ZNF101: variants seen among roughly 807,000 people sequenced by gnomAD.
ZNF101 encodes the protein zinc finger protein 101 (Y2).
Under a neutral mutation model 42.6 loss-of-function variants are expected in ZNF101, and 34 were observed. That is an observed-to-expected ratio of 0.80 (90% confidence interval 0.61 to 1.06). ZNF101 has a LOEUF of 1.06. Among genes scored for constraint, ZNF101 ranks in the 50% least tolerant of loss-of-function variants. The probability of loss-of-function intolerance (pLI) is 0.00; values close to 1 mark genes in which losing one functional copy is unlikely to be tolerated. For synonymous variants in ZNF101, 158 were observed against 183.9 expected, an observed-to-expected ratio of 0.86 and a Z score of 1.14; for missense variants, 466 against 530.9, an observed-to-expected ratio of 0.88 and a Z score of 1.20.
chr19:19,669,128 C>T (rs2062153371), intron 1 of ZNF101, among the ~76,000 whole-genome samples, 162 bp downstream of exon 1: 1 of 152,154 alleles, frequency 6.6e-6, no homozygotes, highest in Non-Finnish European at 1.5e-5. Flanking sequence ...TGGAGCTGGA[C>T]CAGCCGCCGG....
At position 19,679,693 on chromosome 19, in the gene ZNF101, A is replaced by G; in HGVS notation, c.704A>G (p.Asp235Gly). The G allele has an allele frequency of 1.2e-6, 2 of 1,614,188 alleles. No homozygotes were observed. The highest frequency in any genetic ancestry group is 1.7e-6 in the Non-Finnish European group (2 of 1,180,024). Residue 235 changes from aspartate to glycine, a missense_variant, in exon 4 of 4, where the codon GAT (aspartate) becomes GGT (glycine). Coordinates refer to ENST00000592502, the MANE Select transcript of ZNF101 (RefSeq NM_033204.4). ...YECKYCGKPI[D>G]YPSLFQIHVR... ...TGTAAATACTGTGGAAAACCTATCG[A>G]TTATCCCAGTTTATTTCAAATTCAT...
chr19:19,674,878 T>A (rs1274912437), intron 1 of ZNF101, among the ~76,000 whole-genome samples: 1 of 152,132 alleles, frequency 6.6e-6, no homozygotes, highest in South Asian at 2.1e-4. Context: ...TGGAGTGCAG[T>A]GGCGCCATCT....
chr19:19,682,329 C>T lies in ZNF101; in HGVS notation c.*2029C>T, dbSNP rs2062244612. On this transcript the variant is annotated 3_prime_UTR_variant, in exon 4 of 4. Coordinates refer to ENST00000592502, the MANE Select transcript of ZNF101 (RefSeq NM_033204.4). Reference sequence around the variant, plus strand: ...CTGACTTCTGGGTTCAAGCAATTCTCCTGCTTCAGTCTCCGAAGCATCTGG... The same window carrying T: ...CTGACTTCTGGGTTCAAGCAATTCTTCTGCTTCAGTCTCCGAAGCATCTGG... 1 of 152,040 alleles carries T rather than the reference C, an allele frequency of 6.6e-6. No individual in the cohort carries two copies. Among genetic ancestry groups the T allele is most frequent in the South Asian group, 2.1e-4 (1 of 4,830 alleles). 9.4% of individuals were successfully genotyped at this position (152,040 alleles called of 1,614,324 possible).
At chr19:19,678,293 T>C (rs2062215424) in intron 2 of ZNF101, among the ~76,000 whole-genome samples, 1 of 151,386 alleles carries the variant, frequency 6.6e-6, no homozygotes, top group African/African-American at 2.4e-5. Flanking sequence ...TCCCAGCACT[T>C]TGGGATAATG....
At chr19:19,672,859 C>CA (rs1378258616) in intron 1 of ZNF101, among the ~76,000 whole-genome samples, 3 of 151,324 alleles carry the variant, frequency 2.0e-5, no homozygotes, top group East Asian at 1.9e-4. Context: ...GAAAACAAAA[C>CA]AAAAAAAACC....
At chr19:19,675,490 T>A (rs1254099732) in intron 1 of ZNF101, among the ~76,000 whole-genome samples, 1 of 152,134 alleles carries the variant, frequency 6.6e-6, no homozygotes, top group Non-Finnish European at 1.5e-5. Flanking sequence ...CTGTTCAGAT[T>A]TTTTGTTTTT....
Position 19,679,652 on chromosome 19 carries a change from A to G in ZNF101, c.663A>G (p.Gly221=). ...GAAAACATGGAAAAATGCATACTGGAGAAAAACGCTATGAATGTAAATACT... is the reference window on the plus strand; with the variant it reads ...GAAAACATGGAAAAATGCATACTGGGGAAAAACGCTATGAATGTAAATACT... ...FFRKHGKMHT[G]EKRYECKYCG... is the part of the protein sequence containing the mutation. The change falls in exon 4 of 4, where the codon GGA becomes GGG. Residue 221 remains glycine (G), a synonymous_variant. Transcript: ENST00000592502. 1.2e-6 allele frequency: 2 copies of G among 1,613,666 alleles called. No homozygotes were observed. Among genetic ancestry groups the G allele is most frequent in the Non-Finnish European group, 1.7e-6 (2 of 1,179,730 alleles).
chr19:19,669,740 C>T (rs1391657327), intron 1 of ZNF101, among the ~76,000 whole-genome samples: 1 of 152,136 alleles, frequency 6.6e-6, no homozygotes, highest in Admixed American at 6.6e-5. Flanking sequence ...GCCTCGGTCT[C>T]CCAAAGTGCT....
chr19:19,680,616 TCA>T lies in ZNF101; in HGVS notation c.*329_*330del, dbSNP rs762094032. 7.3e-5 allele frequency: 12 copies of T among 165,002 alleles called. No homozygotes were observed. The highest frequency in any genetic ancestry group is 1.7e-4 in the East Asian group (1 of 5,958). The allele number at this position is 165,002 out of a possible 1,614,324, so 10.2% of individuals were successfully genotyped here. On this transcript the variant is annotated 3_prime_UTR_variant, in exon 4 of 4. Transcript: ENST00000592502. ...CCTGGGCGACAAAAGTGAGACTCCATCACACACACACACAAAAAAGCCCCATA... is the reference window on the plus strand; with the variant it reads ...CCTGGGCGACAAAAGTGAGACTCCATCACACACACACAAAAAAGCCCCATA...
At chr19:19,678,340 G>C (rs542851512) in intron 2 of ZNF101, among the ~76,000 whole-genome samples, 1 of 152,214 alleles carries the variant, frequency 6.6e-6, no homozygotes, top group African/African-American at 2.4e-5. Flanking sequence ...GTATTGCTGG[G>C]TGTGATGGCT....
intron 1 of ZNF101, chr19:19,677,596 G>A (rs2062209792): frequency 5.8e-6 from 2 of 344,008 alleles, no homozygotes; most frequent in Admixed American, 4.3e-5. Flanking sequence ...TCTGCAAAGA[G>A]CATTTGGGGC....
chr19:19,678,997 T>A (rs542939281), intron 3 of ZNF101, among the ~76,000 whole-genome samples, 184 bp from the exon 4 acceptor site: 1 of 152,230 alleles, frequency 6.6e-6, no homozygotes, highest in Non-Finnish European at 1.5e-5. Context: ...TGTCACTGTT[T>A]GGATAACTGC....
At position 19,669,187 on chromosome 19, in the gene ZNF101, G is replaced by T. The variant is rs901590867; in HGVS notation, c.3+221G>T. Among the ~76,000 whole-genome samples, 4 of 152,190 alleles carry T rather than the reference G, an allele frequency of 2.6e-5. No homozygotes were observed. In the East Asian group the frequency reaches 7.7e-4, roughly 29 times the overall value. ...CCCGGAGCCCTCTCAGGGCAGCTCCGCGCCCGCAGCCCCGCGTCTCCCCAG... is the reference window on the plus strand; with the variant it reads ...CCCGGAGCCCTCTCAGGGCAGCTCCTCGCCCGCAGCCCCGCGTCTCCCCAG... On this transcript the variant is annotated intron_variant, in intron 1 of 3. Transcript: ENST00000592502.
chr19:19,668,599 A>G (rs552704222), upstream of ZNF101, among the ~76,000 whole-genome samples: 1 of 152,214 alleles, frequency 6.6e-6, no homozygotes, highest in East Asian at 1.9e-4. Context: ...TTCTGCTTCC[A>G]TGCAAGTCCA....
chr19:19,677,842 C>T, intron 1 of ZNF101, 22 bp from the exon 2 acceptor site: 3 of 1,607,818 alleles, frequency 1.9e-6, no homozygotes, highest in Non-Finnish European at 2.6e-6. Context: ...CCCTCCTCCT[C>T]CACACCTGTG....
chr19:19,677,742 G>GC, intron 1 of ZNF101, 122 bp from the exon 2 acceptor site: 1 of 1,409,394 alleles, frequency 7.1e-7, no homozygotes, highest in South Asian at 1.4e-5. Flanking sequence ...GGAGGAGGCC[G>GC]ATGACTCAAT....
chr19:19,674,642 T>C (rs1173412678), intron 1 of ZNF101, among the ~76,000 whole-genome samples: 1 of 152,172 alleles, frequency 6.6e-6, no homozygotes, highest in African/African-American at 2.4e-5. Flanking sequence ...TTTTTTGTAG[T>C]GTCTGTCTTT....
rs556168719 is a variant in ZNF101, at chr19:19,681,075, C to T, written c.*775C>T. On this transcript the variant is annotated 3_prime_UTR_variant, in exon 4 of 4. Transcript: ENST00000592502. ...AGGCTGCAGTGAGCTGAGATCGTGC[C>T]ACTACACTCCAGCCTGGATGACGGT... The T allele has an allele frequency of 1.3e-5, 2 of 152,314 alleles. No individual in the cohort carries two copies. Among genetic ancestry groups the T allele is most frequent in the South Asian group, 4.1e-4 (2 of 4,826 alleles). The allele number at this position is 152,314 out of a possible 1,614,324, so 9.4% of individuals were successfully genotyped here.
At chr19:19,678,653 A>C in intron 2 of ZNF101, 73 bp from the exon 3 acceptor site, 1 of 1,326,916 alleles carries the variant, frequency 7.5e-7, no homozygotes, top group African/African-American at 1.5e-5. Flanking sequence ...GCAGTGTTTA[A>C]TGAACTTAGA....
Sources: gnomAD v4.1 joint callset for allele counts (sites outside exome capture counted in the v4.1 genomes callset) on GRCh38, gnomAD v4.1.1 for gene constraint, MANE v1.5 for transcripts, NCBI Gene and HGNC (gene_info 2026-07-23, HGNC 2026-07-21) for gene names.